TSHZ3: variants seen among roughly 807,000 people sequenced by gnomAD.
TSHZ3 encodes the protein teashirt homolog 3.
TSHZ3 carries 10 observed loss-of-function variants against 64.5 expected under a neutral mutation model. That is an observed-to-expected ratio of 0.16 (90% CI 0.10 to 0.26). The LOEUF (loss-of-function observed/expected upper bound fraction) is 0.26. Ranked by LOEUF, TSHZ3 falls within the 10% of genes least tolerant of loss-of-function variation. The pLI, the probability that TSHZ3 is intolerant of heterozygous loss-of-function variation, is 1.00. For synonymous variants in TSHZ3, 608 were observed against 593.1 expected (o/e 1.03, Z -0.36); for missense variants, 1,242 against 1,421.7 (o/e 0.87, Z 2.03).
intron 5 of TSHZ3, among the ~76,000 whole-genome samples, chr19:31,157,620 C>T (rs1974322172): frequency 6.6e-6 from 1 of 152,174 alleles, no homozygotes; most frequent in Non-Finnish European, 1.5e-5. Context: ...TGCCATGATG[C>T]TGTTTATGTG....
At chr19:31,157,864 G>A (rs1019177492) in intron 5 of TSHZ3, among the ~76,000 whole-genome samples, 1 of 152,174 alleles carries the variant, frequency 6.6e-6, no homozygotes, top group African/African-American at 2.4e-5. Flanking sequence ...GGCAGAGTCC[G>A]CAGGATGCAG....
At chr19:31,264,501 G>C (rs1437333130) in intron 1 of TSHZ3, among the ~76,000 whole-genome samples, 3 of 152,156 alleles carry the variant, frequency 2.0e-5, no homozygotes, top group Non-Finnish European at 4.4e-5. Context: ...GCCTGTGGGA[G>C]AGCCCAGCCT....
rs1211366443 is a variant in TSHZ3 at position 31,243,867 on chromosome 19, A to G, written n.64-992T>C. On this transcript the variant is annotated intron_variant and non_coding_transcript_variant, in intron 1 of 6. Transcript: ENST00000651361. ...TAACAATATCAAATCATGATTTCTC[A>G]TGTGGAATACACTTGGAGGAGGGCG... is the stretch of plus-strand genomic sequence containing the variant. Among the ~76,000 whole-genome samples, 3 of 152,160 alleles carry G rather than the reference A, an allele frequency of 2.0e-5. No individual in the cohort carries two copies. The South Asian group carries it at 6.2e-4, about 31-fold the overall frequency.
At chr19:31,329,214 C>T (rs1024861153) in intron 1 of TSHZ3, among the ~76,000 whole-genome samples, 3 of 152,216 alleles carry the variant, frequency 2.0e-5, no homozygotes, top group African/African-American at 7.2e-5. Flanking sequence ...GTTACAGGAA[C>T]TGCTTTGTCA....
intron 6 of TSHZ3, among the ~76,000 whole-genome samples, chr19:31,152,351 C>A (rs1974252730): frequency 6.6e-6 from 1 of 151,694 alleles, no homozygotes; most frequent in East Asian, 1.9e-4. Flanking sequence ...TCAGCCCATC[C>A]CAGAAAGCTC....
chr19:31,219,506 T>G (rs1975372944), intron 4 of TSHZ3, among the ~76,000 whole-genome samples: 1 of 151,790 alleles, frequency 6.6e-6, no homozygotes, highest in African/African-American at 2.4e-5. Context: ...TTCTGGCCAG[T>G]AGAATATTCT....
At chr19:31,317,642 G>T (rs1196544420) in intron 1 of TSHZ3, among the ~76,000 whole-genome samples, 1 of 152,220 alleles carries the variant, frequency 6.6e-6, no homozygotes, top group East Asian at 1.9e-4. Context: ...GAGAACAGCA[G>T]GGTCTGGAGA....
At chr19:31,347,630 T>G (rs2021556378) in intron 1 of TSHZ3, among the ~76,000 whole-genome samples, 1 of 152,150 alleles carries the variant, frequency 6.6e-6, no homozygotes, top group African/African-American at 2.4e-5. Flanking sequence ...GGAGGTTAAC[T>G]AGGGAGGCGG....
intron 3 of TSHZ3, among the ~76,000 whole-genome samples, chr19:31,230,462 A>G (rs1042549176): frequency 3.3e-5 from 5 of 152,196 alleles, no homozygotes; most frequent in Admixed American, 6.6e-5. Context: ...ACTTTTTGTA[A>G]CAAGATTCTT....
intron 6 of TSHZ3, among the ~76,000 whole-genome samples, chr19:31,155,957 C>A (rs565845287): frequency 7.9e-5 from 12 of 152,292 alleles, no homozygotes; most frequent in African/African-American, 2.2e-4. Context: ...TAAGAATATA[C>A]CCTGAATAAT....
chr19:31,158,307 T>TA (rs745459192), intron 5 of TSHZ3, among the ~76,000 whole-genome samples: 1 of 152,226 alleles, frequency 6.6e-6, no homozygotes, highest in Non-Finnish European at 1.5e-5. Flanking sequence ...CAATTCATCC[T>TA]ATCCATGGCA....
chr19:31,338,711 G>C lies in TSHZ3; in HGVS notation c.40+10469C>G, dbSNP rs149449515. On this transcript the variant is annotated intron_variant, in intron 1 of 1. Coordinates refer to ENST00000240587, the MANE Select transcript of TSHZ3 (RefSeq NM_020856.4). ...CTGCTTCTGTGGGGGAAGAAAAAGA[G>C]GGAGAGAGAAAGTTGCCTGTGAGCT... is the stretch of plus-strand genomic sequence containing the variant. Among the ~76,000 whole-genome samples the C allele has an allele frequency of 4.6e-3, 693 of 151,888 alleles. 7 individuals are homozygous for C. The highest frequency in any genetic ancestry group is 0.016 in the African/African-American group (661 of 41,442).
At chr19:31,206,272 G>A (rs1271856189) in intron 4 of TSHZ3, among the ~76,000 whole-genome samples, 1 of 151,706 alleles carries the variant, frequency 6.6e-6, no homozygotes, top group Admixed American at 6.6e-5. Flanking sequence ...TGGATGGATG[G>A]ATACGTAGAT....
intron 5 of TSHZ3, among the ~76,000 whole-genome samples, chr19:31,175,362 CTG>C (rs559092686): frequency 9.8e-4 from 150 of 152,318 alleles, no homozygotes; most frequent in African/African-American, 3.4e-3. Flanking sequence ...CTTGCTAAAA[CTG>C]TGAAGAGAAA....
At chr19:31,249,736 A>T (rs1247651133) in intron 1 of TSHZ3, among the ~76,000 whole-genome samples, 1 of 152,124 alleles carries the variant, frequency 6.6e-6, no homozygotes, top group African/African-American at 2.4e-5. Flanking sequence ...GACCCCAGAG[A>T]TAGGGCCAGA....
At chr19:31,226,111 G>A (rs553215754) in intron 4 of TSHZ3, among the ~76,000 whole-genome samples, 43 of 150,334 alleles carry the variant, frequency 2.9e-4, no homozygotes, top group Admixed American at 2.2e-3. Flanking sequence ...GGGCAACAGA[G>A]CAAGACTCCA....
intron 5 of TSHZ3, among the ~76,000 whole-genome samples, chr19:31,162,285 T>G (rs1236973306): frequency 6.6e-6 from 1 of 152,114 alleles, no homozygotes; most frequent in Non-Finnish European, 1.5e-5. Context: ...TATAATCAGG[T>G]AGAATTTAAA....
At chr19:31,297,640 A>AT (rs765469791) in intron 1 of TSHZ3, among the ~76,000 whole-genome samples, 2 of 151,782 alleles carry the variant, frequency 1.3e-5, no homozygotes, top group African/African-American at 4.8e-5. Flanking sequence ...GATTTTTAAT[A>AT]TTTTTTTTGT....
chr19:31,213,976 T>C (rs1975293826), intron 4 of TSHZ3, among the ~76,000 whole-genome samples: 1 of 152,220 alleles, frequency 6.6e-6, no homozygotes, highest in Admixed American at 6.5e-5. Flanking sequence ...TATTTCTCAC[T>C]CCTTACTTCT....
Sources: allele counts gnomAD v4.1 joint callset (sites outside exome capture counted in the v4.1 genomes callset), GRCh38; gene constraint gnomAD v4.1.1; transcripts MANE v1.5; gene names NCBI Gene and HGNC (gene_info 2026-07-23, HGNC 2026-07-21).